GTF2A1L: variants seen among roughly 807,000 people sequenced by gnomAD.
The protein encoded by GTF2A1L is TFIIA-alpha and beta-like factor.
Under a neutral mutation model 49.7 loss-of-function variants are expected in GTF2A1L, and 48 were observed. The observed-to-expected ratio is 0.97, with a 90% CI of 0.77 to 1.23. GTF2A1L has a LOEUF of 1.23. Among genes scored for constraint, GTF2A1L ranks in the 50% most tolerant of loss-of-function variants. The pLI is 0.00. For missense variants in GTF2A1L, 736 were observed against 564.8 expected, an observed-to-expected ratio of 1.30 and a Z score of -3.07; for synonymous variants, 246 against 193.5, an observed-to-expected ratio of 1.27 and a Z score of -2.25.
At chr2:48,642,230 T>A (rs1328055884) in intron 3 of GTF2A1L, among the ~76,000 whole-genome samples, 172 bp from the exon 4 acceptor site, 1 of 152,172 alleles carries the variant, frequency 6.6e-6, no homozygotes, top group Non-Finnish European at 1.5e-5. Flanking sequence ...TATGTGAAGT[T>A]GTTGCAAAAA....
intron 8 of GTF2A1L, among the ~76,000 whole-genome samples, chr2:48,677,403 T>C (rs1373231164): frequency 6.6e-6 from 1 of 151,900 alleles, no homozygotes; most frequent in Non-Finnish European, 1.5e-5. Context: ...ACTGTGAGGA[T>C]ATTAGAGTGT....
Position 48,669,788 on chromosome 2 carries a change from G to A in GTF2A1L, c.1045G>A (p.Val349Ile), listed in dbSNP as rs201044987. ...TGATGATATTGGTGAAATAATTCAA[G>A]TAGATGGAAGCGGTGATACATCTTC... ...TDDDIGEIIQVDGSGDTSSNE... is the reference protein window; with the variant it reads ...TDDDIGEIIQIDGSGDTSSNE... Residue 349 changes from valine to isoleucine, a missense_variant, in exon 7 of 9, where the codon GTA becomes ATA. Val to Ile is a conservative substitution (Grantham distance 29). Coordinates refer to ENST00000403751, the MANE Select transcript of GTF2A1L (RefSeq NM_006872.5). 296 of 1,613,994 alleles carry A rather than the reference G, an allele frequency of 1.8e-4. 3 individuals carry two copies. In the East Asian group the frequency reaches 6.5e-3, roughly 35 times the overall value.
chr2:48,663,212 T>C (rs1464617853), intron 6 of GTF2A1L, among the ~76,000 whole-genome samples: 2 of 152,072 alleles, frequency 1.3e-5, no homozygotes, highest in African/African-American at 2.4e-5. Flanking sequence ...GGAAGGAGGA[T>C]TGCTTGAGTT....
intron 8 of GTF2A1L, among the ~76,000 whole-genome samples, chr2:48,678,062 A>G (rs1179409414): frequency 6.6e-6 from 1 of 151,688 alleles, no homozygotes; most frequent in Non-Finnish European, 1.5e-5. Context: ...CTAATATGCA[A>G]TAGTTTTATT....
At chr2:48,638,422 A>G (rs1264397864) in intron 3 of GTF2A1L, among the ~76,000 whole-genome samples, 3 of 152,252 alleles carry the variant, frequency 2.0e-5, no homozygotes, top group Non-Finnish European at 2.9e-5. Context: ...TTGGCTCAGC[A>G]TACTCAAATC....
chr2:48,670,476 A>G (rs1679108681), intron 7 of GTF2A1L, among the ~76,000 whole-genome samples: 1 of 152,150 alleles, frequency 6.6e-6, no homozygotes, highest in South Asian at 2.1e-4. Flanking sequence ...GGGCTTCTGT[A>G]TTGGTCTTAA....
At chr2:48,637,023 G>A (rs1676932224) in intron 3 of GTF2A1L, among the ~76,000 whole-genome samples, 1 of 152,142 alleles carries the variant, frequency 6.6e-6, no homozygotes, top group South Asian at 2.1e-4. Context: ...TAAAGTATAG[G>A]TGTAAACTGT....
At chr2:48,676,637 G>C (rs551799262) in intron 8 of GTF2A1L, among the ~76,000 whole-genome samples, 1 of 151,738 alleles carries the variant, frequency 6.6e-6, no homozygotes, top group Admixed American at 6.6e-5. Context: ...ATACACAGAA[G>C]TACTTTTTAC....
intron 2 of GTF2A1L, 80 bp downstream of exon 2, chr2:48,621,032 C>T: frequency 1.3e-6 from 2 of 1,516,532 alleles, no homozygotes; most frequent in Non-Finnish European, 1.8e-6. Context: ...TCTGATCTCT[C>T]AAATTATAGT....
chr2:48,659,869 G>A (rs1273484281), intron 6 of GTF2A1L, among the ~76,000 whole-genome samples: 2 of 152,024 alleles, frequency 1.3e-5, no homozygotes, highest in Admixed American at 1.3e-4. Context: ...TTGTTTTTGT[G>A]TGTCTGTGTG....
At chr2:48,621,143 A>C (rs1391752945) in intron 2 of GTF2A1L, 24 bp from the exon 3 acceptor site, 2 of 1,594,334 alleles carry the variant, frequency 1.3e-6, no homozygotes, top group Non-Finnish European at 1.7e-6. Context: ...TTTTTAAAGT[A>C]AACTTTTTTT....
intron 7 of GTF2A1L, among the ~76,000 whole-genome samples, chr2:48,670,327 T>A (rs1021827781): frequency 7.9e-5 from 12 of 151,754 alleles, no homozygotes; most frequent in African/African-American, 2.7e-4. Flanking sequence ...CAGGTTGTAG[T>A]GAACCAAGAA....
At chr2:48,676,820 T>C (rs974066908) in intron 8 of GTF2A1L, among the ~76,000 whole-genome samples, 4 of 151,112 alleles carry the variant, frequency 2.6e-5, no homozygotes, top group African/African-American at 9.7e-5. Flanking sequence ...TATATCTATA[T>C]CTATATCTAT....
At chr2:48,634,579 A>T (rs897078163) in intron 3 of GTF2A1L, among the ~76,000 whole-genome samples, 2 of 152,146 alleles carry the variant, frequency 1.3e-5, no homozygotes, top group African/African-American at 4.8e-5. Flanking sequence ...AGCTCTTGTA[A>T]TGGTGGTCTA....
At chr2:48,678,912 A>C (rs750465749) in intron 8 of GTF2A1L, among the ~76,000 whole-genome samples, 7 of 152,002 alleles carry the variant, frequency 4.6e-5, no homozygotes, top group Non-Finnish European at 8.8e-5. Context: ...TCCTGAGTAA[A>C]TATCTGCCTT....
intron 5 of GTF2A1L, 37 bp downstream of exon 5, chr2:48,645,154 A>G (rs1227739871): frequency 4.5e-6 from 7 of 1,557,114 alleles, no homozygotes; most frequent in Admixed American, 2.0e-5. Context: ...TGTTTTCAGC[A>G]TTGGTACTAT....
Position 48,646,539 on chromosome 2 carries a change from T to C in GTF2A1L, c.475T>C (p.Phe159Leu). 1 of 1,614,184 alleles carries C rather than the reference T, an allele frequency of 6.2e-7. No homozygotes were observed. The highest frequency in any genetic ancestry group is 1.1e-5 in the South Asian group (1 of 91,080). Residue 159 changes from phenylalanine to leucine, a missense_variant, in exon 6 of 9, where the codon TTT becomes CTT. Coordinates refer to ENST00000403751, the MANE Select transcript of GTF2A1L (RefSeq NM_006872.5). ...TCTTCAGCATCCAATTCAGCAAGTA[T>C]TTCAACAGCTTGGCCAGCCTTCAGT... ...GILQHPIQQV[F>L]QQLGQPSVIQ... is the part of the protein sequence containing the mutation.
intron 1 of GTF2A1L, 37 bp from the exon 2 acceptor site, chr2:48,620,811 AAAT>A (rs1206870852): frequency 9.0e-7 from 1 of 1,113,552 alleles, no homozygotes. Context: ...ATAAATAAAT[AAAT>A]AAATAAAATG....
At chr2:48,623,562 G>C (rs1200464410) in intron 3 of GTF2A1L, among the ~76,000 whole-genome samples, 2 of 152,140 alleles carry the variant, frequency 1.3e-5, no homozygotes, top group Non-Finnish European at 2.9e-5. Context: ...TCTATTACTA[G>C]GCATTTACCC....
Sources: allele counts gnomAD v4.1 joint callset (sites outside exome capture counted in the v4.1 genomes callset), GRCh38; gene constraint gnomAD v4.1.1; transcripts MANE v1.5; gene names NCBI Gene and HGNC (gene_info 2026-07-23, HGNC 2026-07-21).